The following DHX32 variants were observed in gnomAD, a reference collection of about 807,000 sequenced individuals.
DHX32 encodes DEAH-box helicase 32 (putative), also known as putative pre-mRNA-splicing factor ATP-dependent RNA helicase DHX32.
In DHX32, 51 loss-of-function variants were observed where a neutral mutation model predicts 70.0. That is an observed-to-expected ratio of 0.73 (90% CI 0.58 to 0.92). DHX32 has a LOEUF of 0.92. Ranked by LOEUF, DHX32 falls within the 40% of genes least tolerant of loss-of-function variation. The pLI is 0.00. For synonymous variants in DHX32, 310 were observed against 315.3 expected, an observed-to-expected ratio of 0.98 and a Z score of 0.18; for missense variants, 762 against 891.8, an observed-to-expected ratio of 0.85 and a Z score of 1.85.
At chr10:125,882,253 G>C (rs1589718564), upstream of DHX32, among the ~76,000 whole-genome samples, 1 of 152,144 alleles carries the variant, frequency 6.6e-6, no homozygotes, top group East Asian at 1.9e-4. Context: ...GAAAACTCAA[G>C]TTAAAAAGAA....
intron 6 of DHX32, among the ~76,000 whole-genome samples, chr10:125,849,241 C>T (rs1944060606): frequency 6.6e-6 from 1 of 152,210 alleles, no homozygotes; most frequent in Admixed American, 6.5e-5. Context: ...CCACAGCCAT[C>T]TTTCCGCCTG....
chr10:125,852,718 T>C (rs1018123970), intron 4 of DHX32, 76 bp from the exon 5 acceptor site: 12 of 1,300,772 alleles, frequency 9.2e-6, no homozygotes, highest in African/African-American at 5.9e-5. Context: ...GAAGAGAATA[T>C]GCTGCGCAGT....
intron 1 of DHX32, among the ~76,000 whole-genome samples, chr10:125,867,533 G>A (rs975648436): frequency 1.1e-4 from 16 of 152,130 alleles, no homozygotes; most frequent in Middle Eastern, 6.8e-3. Context: ...TCAGGAGATC[G>A]AGACCATCCT....
rs371345705 is a variant in DHX32 at position 125,838,183 on chromosome 10, C to G, written c.2063+23G>C. On this transcript the variant is annotated intron_variant, in intron 10 of 10. Coordinates refer to ENST00000284690, the MANE Select transcript of DHX32 (RefSeq NM_018180.3). ...GTATGAATTAAAAAAAAAATACAAC[C>G]CTTTCTTCTCCATTAAACTTACAGT... The G allele has an allele frequency of 7.1e-6, 11 of 1,544,488 alleles. No individual in the cohort carries two copies. The African/African-American group carries it at 1.3e-4, about 18-fold the overall frequency.
At chr10:125,852,670 C>T (rs1211207868) in intron 4 of DHX32, 28 bp from the exon 5 acceptor site, 12 of 1,577,216 alleles carry the variant, frequency 7.6e-6, no homozygotes, top group Non-Finnish European at 9.5e-6. Context: ...GCATCATTAG[C>T]GTCAGATAAG....
chr10:125,873,053 T>A (rs1265509867), intron 1 of DHX32, among the ~76,000 whole-genome samples: 1 of 152,142 alleles, frequency 6.6e-6, no homozygotes, highest in East Asian at 1.9e-4. Flanking sequence ...AGCTGGGGCC[T>A]GGGGTCTTTA....
chr10:125,891,448 C>G (rs1252172646), intron 1 of DHX32, among the ~76,000 whole-genome samples: 6 of 152,276 alleles, frequency 3.9e-5, no homozygotes, highest in Middle Eastern at 3.2e-3. Flanking sequence ...GACAAAAAAC[C>G]CATAAATAGC....
chr10:125,839,230 C>T lies in DHX32; in HGVS notation c.1694-42G>A, dbSNP rs746080623. ...ACAAGGCTATTTAGAAATGATTTGTCAGAAGCTCTGAAGAGCCCAGGCCAG... is the reference window on the plus strand; with the variant it reads ...ACAAGGCTATTTAGAAATGATTTGTTAGAAGCTCTGAAGAGCCCAGGCCAG... On this transcript the variant is annotated intron_variant, in intron 8 of 10. Coordinates refer to ENST00000284690, the MANE Select transcript of DHX32 (RefSeq NM_018180.3). 4 of 1,597,028 alleles carry T rather than the reference C, an allele frequency of 2.5e-6. No individual in the cohort carries two copies. The South Asian group carries it at 3.4e-5, about 13-fold the overall frequency.
Position 125,836,697 on chromosome 10 carries a change from G to A in DHX32, c.2222C>T (p.Thr741Ile), listed in dbSNP as rs374910849. 58 of 1,614,132 alleles carry A rather than the reference G, an allele frequency of 3.6e-5. No homozygotes were observed. In the East Asian group the frequency reaches 1.3e-3, roughly 35 times the overall value. The part of the protein sequence containing the change: ...ETCPETEQRC[T>I]LQ ...GTGTTTGCTGGGGAGTCACTGGAGA[G>A]TGCATCTCTGTTCAGTTTCAGGGCA... is the stretch of plus-strand genomic sequence containing the variant. Residue 741 changes from threonine (T) to isoleucine (I), a missense_variant, in exon 11 of 11, where the codon ACT becomes ATT. Physicochemically the swap from Thr to Ile is moderately conservative, Grantham distance 89. This residue lies in a region of DHX32 where 366 missense variants were observed against 402.6 expected (regional missense o/e 0.91). Transcript: ENST00000284690.
rs536342432 is a variant in DHX32, at chr10:125,841,758, C to T, written c.1528G>A (p.Ala510Thr). Residue 510 changes from alanine (A) to threonine (T), a missense_variant, in exon 7 of 11, where the codon GCA becomes ACA. Transcript: ENST00000284690. The stretch of plus-strand genomic sequence containing the variant: ...TTAAGGATACCTGTTACCATGGCTG[C>T]GATTGTTAGCACTTCATCTACACAG... ...FDCVDEVLTI[A>T]AMVTAPNCFS... is the part of the protein sequence containing the mutation. The T allele has an allele frequency of 9.9e-6, 16 of 1,609,680 alleles. No homozygotes were observed. The highest frequency in any genetic ancestry group is 3.4e-5 in the South Asian group (3 of 89,266).
At chr10:125,858,421 T>C (rs2134052026) in intron 3 of DHX32, among the ~76,000 whole-genome samples, 1 of 152,318 alleles carries the variant, frequency 6.6e-6, no homozygotes, top group South Asian at 2.1e-4. Flanking sequence ...TAGGCAGATT[T>C]GCTATTCAAG....
At chr10:125,896,038 G>A in intron 1 of DHX32, among the ~76,000 whole-genome samples, 1 of 152,302 alleles carries the variant, frequency 6.6e-6, no homozygotes, top group Non-Finnish European at 1.5e-5. Flanking sequence ...TCCCGGAGCA[G>A]GAGGCGCGGA....
At position 125,839,116 on chromosome 10, in the gene DHX32, G is replaced by C. The variant is rs1854792320; in HGVS notation, c.1766C>G (p.Ala589Gly). Reference protein sequence around the residue: ...SALRMADVIRAELLEIIKRIE... With the variant: ...SALRMADVIRGELLEIIKRIE... ...TCGCTTGATAATTTCTAAGAGTTCA[G>C]CTCGAATAACATCTGCCATTCTGAG... Residue 589 changes from alanine (A) to glycine (G), a missense_variant, in exon 9 of 11, where the codon GCT becomes GGT. Ala to Gly is a moderately conservative substitution (Grantham distance 60). Coordinates refer to ENST00000284690, the MANE Select transcript of DHX32 (RefSeq NM_018180.3). 2 of 1,614,216 alleles carry C rather than the reference G, an allele frequency of 1.2e-6. No individual in the cohort carries two copies. Among genetic ancestry groups the C allele is most frequent in the Non-Finnish European group, 8.5e-7 (1 of 1,180,032 alleles).
chr10:125,838,791 T>C (rs1854780879), intron 9 of DHX32, among the ~76,000 whole-genome samples: 2 of 152,226 alleles, frequency 1.3e-5, no homozygotes, highest in African/African-American at 2.4e-5. Flanking sequence ...CATAATGATA[T>C]GTCATTTTTC....
chr10:125,864,019 A>G (rs1944204961), intron 2 of DHX32, among the ~76,000 whole-genome samples: 1 of 152,184 alleles, frequency 6.6e-6, no homozygotes, highest in South Asian at 2.1e-4. Context: ...GGTGACTTCT[A>G]TAAGGTTACA....
chr10:125,875,302 C>T (rs187332168), intron 1 of DHX32, among the ~76,000 whole-genome samples: 471 of 151,910 alleles, frequency 3.1e-3, no homozygotes, highest in Non-Finnish European at 5.5e-3. Context: ...CACCACTAAA[C>T]GGAACAAGGA....
intron 1 of DHX32, among the ~76,000 whole-genome samples, chr10:125,889,990 C>T (rs1456971612): frequency 6.6e-6 from 1 of 152,290 alleles, no homozygotes; most frequent in Non-Finnish European, 1.5e-5. Flanking sequence ...TCTGCTTAAC[C>T]CCAGTTCAGT....
In DHX32 at chr10:125,881,162, A is replaced by ATTT; in HGVS notation, c.-341_-339dup. On this transcript the variant is annotated 5_prime_UTR_variant, in exon 1 of 11. Transcript: ENST00000284690. ...CACAGGAGTTCAAATGAAAAGCATT[A>ATTT]TTTTTTTTTTTTCTGTTAACGGGTT... is the stretch of plus-strand genomic sequence containing the variant. The ATTT allele has an allele frequency of 1.7e-5, 3 of 177,396 alleles. No homozygotes were observed. Among genetic ancestry groups the ATTT allele is most frequent in the Admixed American group, 6.3e-5 (1 of 15,782 alleles). The allele number at this position is 177,396 out of a possible 1,614,324, so 11.0% of individuals were successfully genotyped here.
upstream of DHX32, among the ~76,000 whole-genome samples, chr10:125,885,365 C>G (rs1944336074): frequency 6.6e-6 from 1 of 152,058 alleles, no homozygotes; most frequent in African/African-American, 2.4e-5. Context: ...AATTAATAAC[C>G]TTGAGATTGG....
Sources: allele counts gnomAD v4.1 joint callset (sites outside exome capture counted in the v4.1 genomes callset), GRCh38; gene constraint gnomAD v4.1.1; regional missense constraint gnomAD v4.1.1; transcripts MANE v1.5; gene names NCBI Gene and HGNC (gene_info 2026-07-23, HGNC 2026-07-21).